SLCO4A1: variants seen among roughly 807,000 people sequenced by gnomAD.
SLCO4A1 encodes the protein solute carrier organic anion transporter family member 4A1, also known as colon organic anion transporter.
In SLCO4A1, 51 loss-of-function variants were observed where a neutral mutation model predicts 64.6. The ratio of observed to expected loss-of-function variants is 0.79; its 90% CI spans 0.63 to 1.00. SLCO4A1 has a LOEUF of 1.00. SLCO4A1 is among the 50% of genes least tolerant of loss of function. The probability of loss-of-function intolerance (pLI) is 0.00; values close to 1 mark genes in which losing one functional copy is unlikely to be tolerated. For missense variants in SLCO4A1, 919 were observed against 980.5 expected, an observed-to-expected ratio of 0.94 and a Z score of 0.84; for synonymous variants, 471 against 444.9, an observed-to-expected ratio of 1.06 and a Z score of -0.74.
chr20:62,667,807 CA>C lies in SLCO4A1; in HGVS notation c.1536del (p.Glu513AsnfsTer75). 6.2e-7 allele frequency: 1 copy of C among 1,612,850 alleles called. No individual in the cohort carries two copies. The highest frequency in any genetic ancestry group is 8.5e-7 in the Non-Finnish European group (1 of 1,179,974). On this transcript the variant is annotated frameshift_variant, in exon 8 of 12. Transcript: ENST00000217159. LOFTEE classifies it high-confidence loss of function. ...APCNAACSCQPEHYSPVCGSD... is the reference protein window; with the variant it reads ...APCNAACSCQXEHYSPVCGSD... ...TGCAACGCTGCCTGCAGCTGCCAGC[CA>C]GAACACTACAGCCCTGTGTGCGGCT...
rs1988014166 is a variant in SLCO4A1 at position 62,685,209 on chromosome 20, G to A, written n.212-232G>A. Among the ~76,000 whole-genome samples, 1 of 149,824 alleles carries A rather than the reference G, an allele frequency of 6.7e-6. No homozygotes were observed. Among genetic ancestry groups the A allele is most frequent in the South Asian group, 2.1e-4 (1 of 4,732 alleles). On this transcript the variant is annotated intron_variant and non_coding_transcript_variant, in intron 2 of 2. Coordinates refer to the SLCO4A1 transcript ENST00000466818. This position sits in a 1 kb window ranked among gnomAD's most constrained non-coding sequence, Gnocchi z 4.6. ...GCAGGCCTTGGGTGCAGTGAAGCAG[G>A]CGGGCAGGGGAGGGTGGCAGCGGGG...
At chr20:62,672,917 G>T (rs2147109749), downstream of SLCO4A1, among the ~76,000 whole-genome samples, 1 of 145,726 alleles carries the variant, frequency 6.9e-6, no homozygotes. Flanking sequence ...CCCCCGGGTG[G>T]TCCCCAGCAC....
In SLCO4A1 at chr20:62,668,477, A is replaced by G. The variant is rs1297681335; in HGVS notation, c.1812A>G (p.Arg604=). 1.9e-6 allele frequency: 3 copies of G among 1,613,818 alleles called. No homozygotes were observed. The East Asian group carries it at 6.7e-5, about 36-fold the overall frequency. ...CTGACGCTGTGGTTTTCTATTGCAGATGTGTCCGTGACCCTCAGAGATCCT... is the reference window on the plus strand; with the variant it reads ...CTGACGCTGTGGTTTTCTATTGCAGGTGTGTCCGTGACCCTCAGAGATCCT... ...SSIPALTATL[R]CVRDPQRSFA... The change falls in exon 10 of 12, where the codon CGA becomes CGG. Residue 604 remains arginine, a splice_region_variant and synonymous_variant. Transcript: ENST00000217159.
Position 62,685,326 on chromosome 20 carries a change from G to T in SLCO4A1, n.212-115G>T. On this transcript the variant is annotated intron_variant and non_coding_transcript_variant, in intron 2 of 2. Coordinates refer to the SLCO4A1 transcript ENST00000466818. This position sits in a 1 kb window ranked among gnomAD's most constrained non-coding sequence, Gnocchi z 4.6. The stretch of plus-strand genomic sequence containing the variant: ...TGGCTGCCCCCCGACACCTTCCCCA[G>T]CTGGTCGGTGCCCAAGGGTGGGTTC... 2.4e-6 allele frequency: 1 copy of T among 408,738 alleles called. No individual in the cohort carries two copies. Among genetic ancestry groups the T allele is most frequent in the Non-Finnish European group, 3.3e-6 (1 of 303,048 alleles). The allele number at this position is 408,738 out of a possible 1,614,324, so 25.3% of individuals were successfully genotyped here. A position where few individuals can be genotyped will look rare whatever the true frequency, so the allele number is the denominator to read the frequency against.
intron 11 of SLCO4A1, among the ~76,000 whole-genome samples, chr20:62,670,992 C>T (rs896774160): frequency 3.3e-5 from 5 of 152,264 alleles, no homozygotes; most frequent in South Asian, 2.1e-4. Context: ...GTGGGCATTG[C>T]GGCAGCATCC....
At position 62,664,515 on chromosome 20, in the gene SLCO4A1, G is replaced by A. The variant is rs553905833; in HGVS notation, c.1122-419G>A. Among the ~76,000 whole-genome samples, 4 of 152,306 alleles carry A rather than the reference G, an allele frequency of 2.6e-5. No individual in the cohort carries two copies. In the East Asian group the frequency reaches 5.8e-4, roughly 22 times the overall value. On this transcript the variant is annotated intron_variant, in intron 5 of 11. Coordinates refer to ENST00000217159, the MANE Select transcript of SLCO4A1 (RefSeq NM_016354.4). ...TCAGGCCCTGCTGCTGGCCAGTGAC[G>A]GAACAGGGTCCTGGGTCACTTGGGG... is the stretch of plus-strand genomic sequence containing the variant.
At chr20:62,689,912 G>A (rs948574762), downstream of SLCO4A1, among the ~76,000 whole-genome samples, 6 of 152,202 alleles carry the variant, frequency 3.9e-5, no homozygotes, top group Non-Finnish European at 7.4e-5. Context: ...TGAAAGGGGT[G>A]GAGCAGATGC....
chr20:62,654,814 G>A (rs1450977308), intron 1 of SLCO4A1, among the ~76,000 whole-genome samples: 1 of 152,222 alleles, frequency 6.6e-6, no homozygotes, highest in Non-Finnish European at 1.5e-5. Context: ...ACCCCAGACT[G>A]TGGACTTAGA....
Position 62,646,588 on chromosome 20 carries a change from G to A in SLCO4A1, c.-97+4035G>A, listed in dbSNP as rs553804253. ...CTGAGGAGGCCAGGGCAGCAGTGGG[G>A]ACCTGCGGCAGGCAGGGCCTGCAGG... On this transcript the variant is annotated intron_variant, in intron 1 of 11. Coordinates refer to ENST00000217159, the MANE Select transcript of SLCO4A1 (RefSeq NM_016354.4). Among the ~76,000 whole-genome samples, 69 of 152,398 alleles carry A rather than the reference G, an allele frequency of 4.5e-4. No individual in the cohort carries two copies. In the Middle Eastern group the frequency reaches 0.01, roughly 23 times the overall value.
At chr20:62,675,105 CAGAG>C (rs990247268), downstream of SLCO4A1, among the ~76,000 whole-genome samples, 38 of 152,272 alleles carry the variant, frequency 2.5e-4, no homozygotes, top group Middle Eastern at 3.4e-3. Context: ...GCAGAGAGGA[CAGAG>C]AGAGGGAAGG....
Position 62,656,549 on chromosome 20 carries a change from G to A in SLCO4A1, c.95G>A (p.Arg32Lys). 1 of 1,580,004 alleles carries A rather than the reference G, an allele frequency of 6.3e-7. No individual in the cohort carries two copies. The part of the protein sequence containing the change: ...NGLDHTPPSR[R>K]ASPGTPLSPG... ...CTTGACCACACCCCACCCAGCAGGA[G>A]GGCATCCCCGGGCACACCCCTGAGC... Residue 32 changes from arginine to lysine, a missense_variant, in exon 2 of 12, where the codon AGG (arginine) becomes AAG (lysine). By Grantham distance (26) the Arg-to-Lys change is conservative. Transcript: ENST00000217159.
In SLCO4A1 at chr20:62,666,644, G is replaced by C. The variant is rs1986402196; in HGVS notation, c.1472+69G>C. On this transcript the variant is annotated intron_variant, in intron 7 of 11. Transcript: ENST00000217159. Reference sequence around the variant, plus strand: ...ACCCGCGGTCCCTGGGCATGGAGGAGGAGTGGTGCAGCACTTGGGAGAGGT... The same window carrying C: ...ACCCGCGGTCCCTGGGCATGGAGGACGAGTGGTGCAGCACTTGGGAGAGGT... 8 of 1,361,112 alleles carry C rather than the reference G, an allele frequency of 5.9e-6. No individual in the cohort carries two copies. In the East Asian group the frequency reaches 1.8e-4, roughly 31 times the overall value. The allele number at this position is 1,361,112 out of a possible 1,614,324, so 84.3% of individuals were successfully genotyped here. A position where few individuals can be genotyped will look rare whatever the true frequency, so the allele number is the denominator to read the frequency against.
intron 11 of SLCO4A1, 27 bp downstream of exon 11, chr20:62,669,105 G>C (rs776939450): frequency 1.9e-6 from 3 of 1,601,212 alleles, no homozygotes; most frequent in African/African-American, 1.3e-5. Context: ...AGGGGACAGA[G>C]GGTCTGCTCT....
In SLCO4A1 at chr20:62,666,566, A is replaced by G. The variant is rs753071454; in HGVS notation, c.1463A>G (p.Tyr488Cys). 1 of 1,612,284 alleles carries G rather than the reference A, an allele frequency of 6.2e-7. No homozygotes were observed. Among genetic ancestry groups the G allele is most frequent in the Non-Finnish European group, 8.5e-7 (1 of 1,179,856 alleles). ...CCCATGGCGGGCGTCACAGCCAGCT[A>G]CGGCGGGAGGTGAGGGCCAGATGGC... is the stretch of plus-strand genomic sequence containing the variant. ...SVPMAGVTAS[Y>C]GGSLLPEGHL... Residue 488 changes from tyrosine (Y) to cysteine (C), a missense_variant, in exon 7 of 12, where the codon TAC (tyrosine) becomes TGC (cysteine). Coordinates refer to ENST00000217159, the MANE Select transcript of SLCO4A1 (RefSeq NM_016354.4).
chr20:62,675,827 G>A (rs941226921), downstream of SLCO4A1, among the ~76,000 whole-genome samples: 3 of 152,212 alleles, frequency 2.0e-5, no homozygotes, highest in Admixed American at 6.5e-5. Flanking sequence ...GTCCTCCCAC[G>A]TCCTGGGAGG....
At chr20:62,667,937 C>A (rs1569145243) in intron 8 of SLCO4A1, 27 bp downstream of exon 8, 1 of 1,614,030 alleles carries the variant, frequency 6.2e-7, no homozygotes, top group East Asian at 2.2e-5. Context: ...CCTACCGCCC[C>A]TGTCCTCCCC....
intron 1 of SLCO4A1, among the ~76,000 whole-genome samples, chr20:62,655,430 G>A (rs1383788769): frequency 1.3e-5 from 2 of 152,232 alleles, no homozygotes; most frequent in African/African-American, 4.8e-5. Context: ...TTCTGACGGG[G>A]AAAGCCCTTA....
At chr20:62,679,999 G>A (rs1482733835) in intron 2 of SLCO4A1, among the ~76,000 whole-genome samples, 1 of 152,170 alleles carries the variant, frequency 6.6e-6, no homozygotes, top group East Asian at 1.9e-4. Context: ...GTTGTTCCAG[G>A]GCTACCCCCA....
chr20:62,660,428 G>A lies in SLCO4A1; in HGVS notation c.904G>A (p.Glu302Lys), dbSNP rs771713693. The A allele has an allele frequency of 2.6e-5, 41 of 1,599,616 alleles. No individual in the cohort carries two copies. The highest frequency in any genetic ancestry group is 3.4e-5 in the Non-Finnish European group (40 of 1,179,840). ...CTTCCACAGGACGGAGCTGACCACC[G>A]AGAGCCCACTGTGGGTCGGCGCCTG... ...EMGRRTELTT[E>K]SPLWVGAWWV... Residue 302 changes from glutamate (E) to lysine (K), a missense_variant, in exon 4 of 12, where the codon GAG (glutamate) becomes AAG (lysine). Coordinates refer to ENST00000217159, the MANE Select transcript of SLCO4A1 (RefSeq NM_016354.4).
Sources: allele counts gnomAD v4.1 joint callset (sites outside exome capture counted in the v4.1 genomes callset), GRCh38; gene constraint gnomAD v4.1.1; non-coding constraint Gnocchi (gnomAD v3.1); transcripts MANE v1.5; gene names NCBI Gene and HGNC (gene_info 2026-07-23, HGNC 2026-07-21).